The following EPC1 variants were observed in gnomAD, a reference collection of about 807,000 sequenced individuals.
EPC1 encodes the protein enhancer of polycomb homolog 1.
EPC1 carries 12 observed loss-of-function variants against 98.4 expected under a neutral mutation model. That is an observed-to-expected ratio of 0.12 (90% confidence interval 0.08 to 0.20). EPC1 has a LOEUF of 0.20. EPC1 is among the 10% of genes least tolerant of loss of function. EPC1 has a pLI of 1.00. For synonymous variants in EPC1, 357 were observed against 363.9 expected (o/e 0.98, Z 0.21); for missense variants, 729 against 990.5 (o/e 0.74, Z 3.54).
chr10:32,347,228 G>C (rs1838907946), upstream of EPC1: 1 of 1,221,662 alleles, frequency 8.2e-7, no homozygotes, highest in Non-Finnish European at 1.0e-6. Context: ...CGGGCGGGGG[G>C]AGGGAGCGCG....
chr10:32,346,587 CGCG>C lies in EPC1; in HGVS notation c.153+173_153+175del, dbSNP rs1838834534. ...GGCCTTAGAAGGGGCCCCGCTGGGCCGCGGCGGCCGGGGGTCGAGGCTGGGGGA... is the reference window on the plus strand; with the variant it reads ...GGCCTTAGAAGGGGCCCCGCTGGGCCGCGGCCGGGGGTCGAGGCTGGGGGA... On this transcript the variant is annotated intron_variant, in intron 1 of 13. Coordinates refer to ENST00000319778, the MANE Select transcript of EPC1 (RefSeq NM_001272004.3). 4 of 655,682 alleles carry C rather than the reference CGCG, an allele frequency of 6.1e-6. No homozygotes were observed. In the Admixed American group the frequency reaches 1.2e-4, roughly 20 times the overall value. 40.6% of individuals were successfully genotyped at this position (655,682 alleles called of 1,614,324 possible). A position where few individuals can be genotyped will look rare whatever the true frequency, so the allele number is the denominator to read the frequency against.
intron 1 of EPC1, among the ~76,000 whole-genome samples, chr10:32,310,736 T>C (rs2132847086): frequency 6.6e-6 from 1 of 152,144 alleles, no homozygotes; most frequent in South Asian, 2.1e-4. Context: ...TAGCCAGGCA[T>C]GGTGGCAGGT....
rs1187925253 is a variant in EPC1, at chr10:32,347,090, T to C, written c.-175A>G. 5 of 1,443,326 alleles carry C rather than the reference T, an allele frequency of 3.5e-6. No individual in the cohort carries two copies. The highest frequency in any genetic ancestry group is 4.5e-6 in the Non-Finnish European group (5 of 1,104,830). The allele number at this position is 1,443,326 out of a possible 1,614,324, so 89.4% of individuals were successfully genotyped here. ...CCGGGAGGGTGGGAGGCTGTGCCGC[T>C]CCGCTCCTCTCTCGCTCGCTCTCTT... On this transcript the variant is annotated 5_prime_UTR_variant, in exon 1 of 14. Coordinates refer to ENST00000319778, the MANE Select transcript of EPC1 (RefSeq NM_001272004.3).
rs749673365 is a variant in EPC1, at chr10:32,284,834, T to C, written c.1608A>G (p.Leu536=). 1.9e-6 allele frequency: 3 copies of C among 1,614,236 alleles called. No homozygotes were observed. Among genetic ancestry groups the C allele is most frequent in the East Asian group, 2.2e-5 (1 of 44,886 alleles). The change falls in exon 10 of 14, where the codon CTA becomes CTG. Residue 536 remains leucine (L), a synonymous_variant. Transcript: ENST00000319778. ...WRHFRPRTPS[L]HDSDNDELSC... is the part of the protein sequence containing the mutation. ...AGAGTTCATCATTGTCACTGTCATG[T>C]AGGGATGGTGTCCGAGGCCTAAAAT...
intron 2 of EPC1, among the ~76,000 whole-genome samples, chr10:32,301,519 T>C (rs1361472254): frequency 6.6e-6 from 1 of 152,214 alleles, no homozygotes; most frequent in East Asian, 1.9e-4. Flanking sequence ...TCATTCTCCC[T>C]GATGTTAAAA....
At chr10:32,377,693 C>CT (rs1174733843) in intron 1 of EPC1, among the ~76,000 whole-genome samples, 7 of 151,330 alleles carry the variant, frequency 4.6e-5, no homozygotes, top group East Asian at 1.9e-4. Flanking sequence ...TGCCCCACCT[C>CT]TTTTTTTTTC....
At chr10:32,349,665 G>C (rs1000269683), upstream of EPC1, among the ~76,000 whole-genome samples, 6 of 152,158 alleles carry the variant, frequency 3.9e-5, no homozygotes, top group South Asian at 2.1e-4. Flanking sequence ...TCAGTGTTGT[G>C]ATCATGGCTT....
At chr10:32,275,911 T>G (rs556640247) in intron 10 of EPC1, among the ~76,000 whole-genome samples, 11 of 151,766 alleles carry the variant, frequency 7.2e-5, no homozygotes, top group African/African-American at 2.7e-4. Context: ...CACTCTAACC[T>G]GGGTGACAGA....
chr10:32,273,046 G>A, intron 11 of EPC1, 117 bp downstream of exon 11: 1 of 1,614,126 alleles, frequency 6.2e-7, no homozygotes. Context: ...TGTATATTCA[G>A]GCGAAAGCCA....
intron 6 of EPC1, among the ~76,000 whole-genome samples, chr10:32,288,312 CTTTTTTTTT>C (rs5784278): frequency 1.6e-5 from 2 of 124,100 alleles, no homozygotes; most frequent in African/African-American, 3.2e-5. Flanking sequence ...TTACTTTTTT[CTTTTTTTTT>C]TTTTTTTTTT....
intron 1 of EPC1, chr10:32,346,511 G>A (rs957727543): frequency 6.7e-5 from 33 of 493,170 alleles, no homozygotes; most frequent in Middle Eastern, 5.4e-4. Flanking sequence ...TGTGCCTTTC[G>A]GGCCCCCGAA....
intron 1 of EPC1, among the ~76,000 whole-genome samples, chr10:32,318,265 A>G (rs1051383205): frequency 2.6e-5 from 4 of 152,198 alleles, no homozygotes; most frequent in Non-Finnish European, 5.9e-5. Flanking sequence ...TATGCCTCCA[A>G]AACAGCCCCG....
chr10:32,320,080 A>T (rs2132899095), intron 1 of EPC1, among the ~76,000 whole-genome samples: 1 of 152,302 alleles, frequency 6.6e-6, no homozygotes, highest in Non-Finnish European at 1.5e-5. Flanking sequence ...GAATAAAGCA[A>T]ATAGGGCAAA....
At position 32,325,009 on chromosome 10, in the gene EPC1, A is replaced by G. The variant is rs1287229069; in HGVS notation, c.154-19078T>C. ...AGTGAGACTCTGTCTCAAAAGAAAA[A>G]TAAATAAATAAAAATAAATAAATAA... On this transcript the variant is annotated intron_variant, in intron 1 of 13. Transcript: ENST00000319778. 2.6e-5 allele frequency among the ~76,000 whole-genome samples: 4 copies of G among 151,992 alleles called. No homozygotes were observed. In the South Asian group the frequency reaches 8.3e-4, roughly 32 times the overall value.
chr10:32,276,621 G>T (rs1393999964), intron 10 of EPC1, among the ~76,000 whole-genome samples: 1 of 152,204 alleles, frequency 6.6e-6, no homozygotes, highest in Admixed American at 6.5e-5. Context: ...GAGAAATAAA[G>T]TTCAATTCCT....
At chr10:32,349,798 C>G (rs970790415), upstream of EPC1, among the ~76,000 whole-genome samples, 3 of 152,158 alleles carry the variant, frequency 2.0e-5, no homozygotes, top group Non-Finnish European at 4.4e-5. Context: ...CAGGGCCTCC[C>G]TCTGTTGCCC....
chr10:32,273,755 T>C (rs550481905), intron 10 of EPC1, among the ~76,000 whole-genome samples: 1 of 152,328 alleles, frequency 6.6e-6, no homozygotes, highest in East Asian at 1.9e-4. Flanking sequence ...CTAATAGTTC[T>C]ACATATTTTC....
intron 1 of EPC1, among the ~76,000 whole-genome samples, chr10:32,363,565 G>A (rs999093007): frequency 6.6e-6 from 1 of 152,128 alleles, no homozygotes; most frequent in Non-Finnish European, 1.5e-5. Flanking sequence ...ACCTTTAAAA[G>A]AAAGAAATGC....
intron 1 of EPC1, among the ~76,000 whole-genome samples, chr10:32,344,731 G>C (rs993601533): frequency 7.9e-5 from 12 of 152,356 alleles, no homozygotes; most frequent in African/African-American, 2.9e-4. Flanking sequence ...GGGTTGTAGT[G>C]AGCCGAGATG....
Sources: gnomAD v4.1 joint callset for allele counts (sites outside exome capture counted in the v4.1 genomes callset) on GRCh38, gnomAD v4.1.1 for gene constraint, MANE v1.5 for transcripts, NCBI Gene and HGNC (gene_info 2026-07-23, HGNC 2026-07-21) for gene names.